Variants in FCRL3 observed in about 807,000 individuals in gnomAD.
FCRL3 encodes the protein Fc receptor like 3, also known as Fc receptor-like protein 3.
Under a neutral mutation model 75.0 loss-of-function variants are expected in FCRL3, and 89 were observed. That is an observed-to-expected ratio of 1.19 (90% CI 1.00 to 1.42). The LOEUF is 1.42. Ranked by LOEUF, FCRL3 falls within the 40% of genes most tolerant of loss-of-function variation. FCRL3 has a pLI of 0.00. For missense variants in FCRL3, 946 were observed against 880.0 expected (o/e 1.07, Z -0.95); for synonymous variants, 376 against 348.5 (o/e 1.08, Z -0.88).
At chr1:157,699,622 A>G in intron 3 of FCRL3, 70 bp downstream of exon 3, 1 of 1,534,114 alleles carries the variant, frequency 6.5e-7, no homozygotes, top group Non-Finnish European at 9.0e-7. Flanking sequence ...TGCAAGGGTT[A>G]GGGCAGGCTG....
rs1305755864 is a variant in FCRL3, at chr1:157,698,416, AG to A, written c.265del (p.Leu89SerfsTer14). ...NYQCKTRGSS[L>X]SDAVHVEFSP... is the part of the protein sequence containing the mutation. ...AAATTCCACATGCACGGCATCACTG[AG>A]GGAGGATCCTCGGGTCTTACATTGG... On this transcript the variant is annotated frameshift_variant, in exon 4 of 15. Transcript: ENST00000368184. LOFTEE classifies it high-confidence loss of function. The A allele has an allele frequency of 6.2e-7, 1 of 1,614,080 alleles. No homozygotes were observed. The highest frequency in any genetic ancestry group is 1.7e-5 in the Admixed American group (1 of 60,006).
At chr1:157,690,215 ACC>A in intron 9 of FCRL3, 38 bp downstream of exon 9, 1 of 1,597,258 alleles carries the variant, frequency 6.3e-7, no homozygotes. Context: ...TATTTTATTT[ACC>A]ATAACTGTGA....
intron 9 of FCRL3, 46 bp downstream of exon 9, chr1:157,690,209 T>A (rs1202975183): frequency 6.3e-7 from 1 of 1,592,910 alleles, no homozygotes; most frequent in Non-Finnish European, 8.6e-7. Context: ...GATAACTATT[T>A]TATTTACCAT....
chr1:157,684,951 C>T (rs1376303595), intron 10 of FCRL3, among the ~76,000 whole-genome samples: 1 of 152,038 alleles, frequency 6.6e-6, no homozygotes, highest in South Asian at 2.1e-4. Context: ...TGAGGAGGTA[C>T]AATAAGCAAG....
At position 157,677,728 on chromosome 1, in the gene FCRL3, T is replaced by TA; in HGVS notation, c.*981dup. ...GAAATACAACATGAAGAGAAAGTAC[T>TA]AAAAAAAATTATCTACAACAATATG... On this transcript the variant is annotated 3_prime_UTR_variant, in exon 15 of 15. Transcript: ENST00000368184. 9.8e-6 allele frequency: 6 copies of TA among 615,308 alleles called. No individual in the cohort carries two copies. The highest frequency in any genetic ancestry group is 1.2e-5 in the Non-Finnish European group (6 of 492,258). 38.1% of individuals were successfully genotyped at this position (615,308 alleles called of 1,614,324 possible). A position where few individuals can be genotyped will look rare whatever the true frequency, so the allele number is the denominator to read the frequency against.
Position 157,689,908 on chromosome 1 carries a change from CTGGAAGTTCCTGAG to C in FCRL3, c.1691-5_1699del. 1 of 1,614,148 alleles carries C rather than the reference CTGGAAGTTCCTGAG, an allele frequency of 6.2e-7. No individual in the cohort carries two copies. The highest frequency in any genetic ancestry group is 8.5e-7 in the Non-Finnish European group (1 of 1,180,014). ...CGCAGCGGTAAGGCCTGTTCTGTTC[CTGGAAGTTCCTGAG>C]TGGAGGGAGCTGTACTTGAGTTTCA... On this transcript the variant is annotated splice_acceptor_variant and splice_polypyrimidine_tract_variant and coding_sequence_variant and intron_variant, in exon 10 of 15. Transcript: ENST00000368184. LOFTEE classifies it high-confidence loss of function.
At chr1:157,682,126 G>A (rs190788208) in intron 11 of FCRL3, among the ~76,000 whole-genome samples, 95 of 152,216 alleles carry the variant, frequency 6.2e-4, no homozygotes, top group Admixed American at 2.1e-3. Flanking sequence ...TGAGTTCATC[G>A]TAGATTCCGG....
Position 157,678,702 on chromosome 1 carries a change from G to A in FCRL3, c.*8C>T. 1 of 1,612,880 alleles carries A rather than the reference G, an allele frequency of 6.2e-7. No homozygotes were observed. Among genetic ancestry groups the A allele is most frequent in the Admixed American group, 1.7e-5 (1 of 60,008 alleles). On this transcript the variant is annotated 3_prime_UTR_variant, in exon 15 of 15. Transcript: ENST00000368184. ...GGCTGTTTCCTGTGGGCCACTCTGGGTAAGGGGCTAGTGGTCTGAGGCCAG... is the reference window on the plus strand; with the variant it reads ...GGCTGTTTCCTGTGGGCCACTCTGGATAAGGGGCTAGTGGTCTGAGGCCAG...
intron 10 of FCRL3, among the ~76,000 whole-genome samples, chr1:157,685,590 T>C (rs975845634): frequency 3.3e-5 from 5 of 152,134 alleles, no homozygotes; most frequent in African/African-American, 4.8e-5. Flanking sequence ...ACTTGACACT[T>C]GACCAAATAG....
At chr1:157,692,579 T>C (rs1447241620) in intron 8 of FCRL3, among the ~76,000 whole-genome samples, 3 of 152,122 alleles carry the variant, frequency 2.0e-5, no homozygotes, top group Admixed American at 2.0e-4. Flanking sequence ...GATTGGGGAG[T>C]GACCTCAAAC....
chr1:157,686,451 A>G (rs1033081849), intron 10 of FCRL3, among the ~76,000 whole-genome samples: 1 of 152,178 alleles, frequency 6.6e-6, no homozygotes, highest in Admixed American at 6.6e-5. Flanking sequence ...TAAAATTCAT[A>G]TGGAACCAAA....
rs1656053222 is a variant in FCRL3, at chr1:157,697,880, C to A, written c.338G>T (p.Gly113Val). Residue 113 changes from glycine to valine, a missense_variant, in exon 5 of 15, where the codon GGA becomes GTA. Gly to Val is a moderately radical substitution (Grantham distance 109). Coordinates refer to ENST00000368184, the MANE Select transcript of FCRL3 (RefSeq NM_052939.4). ...ILQALHPVFEGDNVILRCQGK... is the reference protein window; with the variant it reads ...ILQALHPVFEVDNVILRCQGK... ...CTGACATCTCAGAATGACATTGTCT[C>A]CTTCAAAGACAGGATGTAAAGCCTG... The A allele has an allele frequency of 6.2e-7, 1 of 1,614,032 alleles. No individual in the cohort carries two copies. Among genetic ancestry groups the A allele is most frequent in the Non-Finnish European group, 8.5e-7 (1 of 1,180,022 alleles).
rs377431416 is a variant in FCRL3 at position 157,699,884 on chromosome 1, G to T, written c.32-172C>A. Reference sequence around the variant, plus strand: ...TATAATGTATTTTACAAACGTGATGGCTTATGTCCAAGGCCTGACCTCATC... The same window carrying T: ...TATAATGTATTTTACAAACGTGATGTCTTATGTCCAAGGCCTGACCTCATC... On this transcript the variant is annotated intron_variant, in intron 2 of 14. Coordinates refer to ENST00000368184, the MANE Select transcript of FCRL3 (RefSeq NM_052939.4). Among the ~76,000 whole-genome samples the T allele has an allele frequency of 5.3e-5, 8 of 152,226 alleles. No individual in the cohort carries two copies. In the East Asian group the frequency reaches 1.2e-3, roughly 22 times the overall value.
chr1:157,678,814 C>T lies in FCRL3; in HGVS notation c.2101G>A (p.Asp701Asn), dbSNP rs755015204. The change falls in exon 15 of 15, where the codon GAC (aspartate) becomes AAC (asparagine). Residue 701 changes from aspartate (D) to asparagine (N), a missense_variant. Physicochemically the swap from Asp to Asn is conservative, Grantham distance 23. Coordinates refer to ENST00000368184, the MANE Select transcript of FCRL3 (RefSeq NM_052939.4). Reference protein sequence around the residue: ...LYSELKKTHPDDSAGEASSRG... With the variant: ...LYSELKKTHPNDSAGEASSRG... The stretch of plus-strand genomic sequence containing the variant: ...CTGCTAGCCTCCCCTGCAGAGTCGT[C>T]TGGGTGTGTCTTCTTCAGTTCTGAA... 3 of 1,613,950 alleles carry T rather than the reference C, an allele frequency of 1.9e-6. No homozygotes were observed. The African/African-American group carries it at 4.0e-5, about 22-fold the overall frequency.
Position 157,678,741 on chromosome 1 carries a change from A to G in FCRL3, c.2174T>C (p.Val725Ala). 6.2e-7 allele frequency: 1 copy of G among 1,614,036 alleles called. No homozygotes were observed. Among genetic ancestry groups the G allele is most frequent in the Non-Finnish European group, 8.5e-7 (1 of 1,180,008 alleles). Residue 725 changes from valine to alanine, a missense_variant, in exon 15 of 15, where the codon GTA becomes GCA. Transcript: ENST00000368184. Reference sequence around the variant, plus strand: ...GTCTGAGGCCAGTAATACACGTGGTACATTCTCATAGTTTTCTTCATCATC... The same window carrying G: ...GTCTGAGGCCAGTAATACACGTGGTGCATTCTCATAGTTTTCTTCATCATC... The part of the protein sequence containing the change: ...EEDDEENYEN[V>A]PRVLLASDH
chr1:157,698,470 T>C lies in FCRL3; in HGVS notation c.212A>G (p.Lys71Arg), dbSNP rs770521043. 6.2e-7 allele frequency: 1 copy of C among 1,614,234 alleles called. No individual in the cohort carries two copies. The highest frequency in any genetic ancestry group is 8.5e-7 in the Non-Finnish European group (1 of 1,180,020). The stretch of plus-strand genomic sequence containing the variant: ...ATTTCCAGGCTCTGTAATTTGGATC[T>C]TGTCATGTTTTATTTTCAACAACTT... ...DEKLLKIKHD[K>R]IQITEPGNYQ... Residue 71 changes from lysine (K) to arginine (R), a missense_variant, in exon 4 of 15, where the codon AAG becomes AGG. Lys to Arg is a conservative substitution (Grantham distance 26). Coordinates refer to ENST00000368184, the MANE Select transcript of FCRL3 (RefSeq NM_052939.4).
intron 11 of FCRL3, among the ~76,000 whole-genome samples, chr1:157,682,340 T>A (rs933709676): frequency 6.6e-6 from 1 of 152,162 alleles, no homozygotes; most frequent in African/African-American, 2.4e-5. Flanking sequence ...CTGAATGGTA[T>A]TGCCTAGGTT....
rs1461668306 is a variant in FCRL3 at position 157,699,706 on chromosome 1, C to A, written c.38G>T (p.Gly13Val). The A allele has an allele frequency of 6.2e-7, 1 of 1,613,434 alleles. No homozygotes were observed. Among genetic ancestry groups the A allele is most frequent in the Admixed American group, 1.7e-5 (1 of 59,922 alleles). Residue 13 changes from glycine (G) to valine (V), a missense_variant, in exon 3 of 15, where the codon GGA (glycine) becomes GTA (valine). Physicochemically the swap from Gly to Val is moderately radical, Grantham distance 109. Coordinates refer to ENST00000368184, the MANE Select transcript of FCRL3 (RefSeq NM_052939.4). The stretch of plus-strand genomic sequence containing the variant: ...GAGAAACTTACCTGATTGTTCTCTT[C>A]CAGGAGCTGTGAGGGAGCAGAAAAT... ...LWLLLLILTP[G>V]REQSGVAPKA... is the part of the protein sequence containing the mutation.
chr1:157,677,993 G>A lies in FCRL3; in HGVS notation c.*717C>T, dbSNP rs1654569693. On this transcript the variant is annotated 3_prime_UTR_variant, in exon 15 of 15. Transcript: ENST00000368184. ...AACTGACTGACTAGAAATCTATCAT[G>A]TATGGCAAATGATGAGACTATGTCA... The A allele has an allele frequency of 3.0e-6, 3 of 985,214 alleles. No individual in the cohort carries two copies. The highest frequency in any genetic ancestry group is 4.7e-5 in the South Asian group (1 of 21,282). The allele number at this position is 985,214 out of a possible 1,614,324, so 61.0% of individuals were successfully genotyped here.
Sources: gnomAD v4.1 joint callset for allele counts (sites outside exome capture counted in the v4.1 genomes callset) on GRCh38, gnomAD v4.1.1 for gene constraint, MANE v1.5 for transcripts, NCBI Gene and HGNC (gene_info 2026-07-23, HGNC 2026-07-21) for gene names.